IL31RA: variants seen among roughly 807,000 people sequenced by gnomAD.
IL31RA encodes the protein interleukin-31 receptor subunit alpha.
IL31RA carries 66 observed loss-of-function variants against 83.7 expected under a neutral mutation model. The ratio of observed to expected loss-of-function variants is 0.79; its 90% CI spans 0.65 to 0.97. The LOEUF (loss-of-function observed/expected upper bound fraction) is 0.97, where lower values mean the gene tolerates loss of function less well. Ranked by LOEUF, IL31RA falls within the 50% of genes least tolerant of loss-of-function variation. The probability of loss-of-function intolerance (pLI) is 0.00; values close to 1 mark genes in which losing one functional copy is unlikely to be tolerated. For synonymous variants in IL31RA, 325 were observed against 329.0 expected, an observed-to-expected ratio of 0.99 and a Z score of 0.13; for missense variants, 798 against 919.4, an observed-to-expected ratio of 0.87 and a Z score of 1.71.
At chr5:55,873,789 G>A (rs1300336215) in intron 4 of IL31RA, among the ~76,000 whole-genome samples, 1 of 151,852 alleles carries the variant, frequency 6.6e-6, no homozygotes, top group African/African-American at 2.4e-5. Context: ...ATATATTCTT[G>A]GCACAAGTTC....
At chr5:55,885,618 A>G (rs971216636) in intron 5 of IL31RA, among the ~76,000 whole-genome samples, 1 of 152,048 alleles carries the variant, frequency 6.6e-6, no homozygotes, top group African/African-American at 2.4e-5. Context: ...AGGTTTCCTC[A>G]TCTACACAAA....
chr5:55,915,618 A>G (rs1410613101), intron 14 of IL31RA, among the ~76,000 whole-genome samples: 2 of 152,190 alleles, frequency 1.3e-5, no homozygotes, highest in Non-Finnish European at 2.9e-5. Context: ...AATTTTAAAT[A>G]TTAGTCCTCG....
upstream of IL31RA, among the ~76,000 whole-genome samples, chr5:55,848,445 A>G (rs925792054): frequency 1.3e-5 from 2 of 152,120 alleles, no homozygotes; most frequent in South Asian, 2.1e-4. Context: ...TCCCTTTGAC[A>G]TGCTCTATCC....
chr5:55,884,294 T>A (rs938273887), intron 5 of IL31RA, among the ~76,000 whole-genome samples: 1 of 152,324 alleles, frequency 6.6e-6, no homozygotes, highest in Admixed American at 6.5e-5. Context: ...ATGGTTAGAG[T>A]TTTATCAGTC....
upstream of IL31RA, among the ~76,000 whole-genome samples, chr5:55,849,931 T>A (rs139284253): frequency 1.3e-5 from 2 of 152,352 alleles, no homozygotes; most frequent in African/African-American, 4.8e-5. Context: ...AAACTTGGCA[T>A]GTTGGAAAAT....
chr5:55,901,617 ATTATTAT>A (rs1271431580), intron 8 of IL31RA, among the ~76,000 whole-genome samples: 2 of 141,036 alleles, frequency 1.4e-5, no homozygotes, highest in Non-Finnish European at 3.0e-5. Flanking sequence ...TATTATTATT[ATTATTAT>A]TAATTTTTGA....
At chr5:55,899,147 G>T (rs1001293308) in intron 7 of IL31RA, among the ~76,000 whole-genome samples, 1 of 152,176 alleles carries the variant, frequency 6.6e-6, no homozygotes, top group Non-Finnish European at 1.5e-5. Flanking sequence ...GGAAATTCCT[G>T]AACTGGGAAG....
chr5:55,918,038 C>T lies in IL31RA; in HGVS notation c.*918C>T, dbSNP rs1749889961. 6.6e-6 allele frequency among the ~76,000 whole-genome samples: 1 copy of T among 152,224 alleles called. No individual in the cohort carries two copies. The highest frequency in any genetic ancestry group is 2.1e-4 in the South Asian group (1 of 4,834). ...TGCAATGCCTAGCAAATTTGCAGCC[C>T]CAACAGGAGGACTTCTGCTCCTTTT... On this transcript the variant is annotated 3_prime_UTR_variant, in exon 15 of 15. Transcript: ENST00000652347.
At chr5:55,851,317 G>A, upstream of IL31RA, 1 of 567,646 alleles carries the variant, frequency 1.8e-6, no homozygotes, top group Admixed American at 3.0e-5. Context: ...ACTCATGCCT[G>A]AATAGAGCTT....
At chr5:55,845,520 G>T in the IL31RA span, among the ~76,000 whole-genome samples, 1 of 151,998 alleles carries the variant, frequency 6.6e-6, no homozygotes, top group East Asian at 1.9e-4. Context: ...TCAAGGGCAG[G>T]ACCAGATGGA....
At chr5:55,868,983 A>T in intron 3 of IL31RA, 75 bp downstream of exon 3, 1 of 875,828 alleles carries the variant, frequency 1.1e-6, no homozygotes, top group Non-Finnish European at 1.9e-6. Context: ...CATGATTCAC[A>T]TCCCATATGA....
intron 9 of IL31RA, among the ~76,000 whole-genome samples, chr5:55,906,901 T>C (rs866302914): frequency 6.6e-6 from 1 of 152,114 alleles, no homozygotes; most frequent in Non-Finnish European, 1.5e-5. Flanking sequence ...GCTTTACCCT[T>C]TTAATCCTGT....
chr5:55,842,596 G>A, the IL31RA span, among the ~76,000 whole-genome samples: 3 of 152,146 alleles, frequency 2.0e-5, no homozygotes, highest in Admixed American at 1.3e-4. Flanking sequence ...CCCTTAGGGC[G>A]GAATTAATGA....
intron 1 of IL31RA, among the ~76,000 whole-genome samples, chr5:55,857,099 T>TG (rs1167719194): frequency 6.7e-6 from 1 of 148,544 alleles, no homozygotes; most frequent in East Asian, 2.0e-4. Context: ...CTTTTTGCAT[T>TG]TTTTTTTTTT....
rs75745991 is a variant in IL31RA, at chr5:55,868,304, A to G, written c.155-487A>G. Among the ~76,000 whole-genome samples the G allele has an allele frequency of 8.0e-3, 1,216 of 152,308 alleles. 9 individuals carry two copies. Among genetic ancestry groups the G allele is most frequent in the Non-Finnish European group, 0.014 (950 of 68,014 alleles). On this transcript the variant is annotated intron_variant, in intron 2 of 14. Coordinates refer to ENST00000652347, the MANE Select transcript of IL31RA (RefSeq NM_139017.7). ...GGGAGCTCTCAGGAGCAAGATTTCTAAGATATGAAGATACAGTTGAAGATA... is the reference window on the plus strand; with the variant it reads ...GGGAGCTCTCAGGAGCAAGATTTCTGAGATATGAAGATACAGTTGAAGATA...
chr5:55,872,903 G>A (rs1336570824), intron 4 of IL31RA, among the ~76,000 whole-genome samples: 1 of 151,912 alleles, frequency 6.6e-6, no homozygotes, highest in East Asian at 1.9e-4. Flanking sequence ...AATTATAACT[G>A]TATTGAGATA....
chr5:55,852,144 A>G (rs1378846200), intron 1 of IL31RA: 1 of 153,404 alleles, frequency 6.5e-6, no homozygotes, highest in African/African-American at 2.4e-5. Flanking sequence ...TCTCTATAGT[A>G]TATTATAATG....
At chr5:55,886,051 C>T (rs1747576251) in intron 5 of IL31RA, among the ~76,000 whole-genome samples, 1 of 152,066 alleles carries the variant, frequency 6.6e-6, no homozygotes, top group Admixed American at 6.5e-5. Context: ...CCGCATATAA[C>T]ACTAAGTGAG....
At position 55,921,209 on chromosome 5, in the gene IL31RA, T is replaced by C. The variant is rs1415485010; in HGVS notation, c.*4089T>C. ...AACTTTACAGCAGTAATCCCAAGAG[T>C]TTTAAATAGCAATTATTTGTCATGC... On this transcript the variant is annotated 3_prime_UTR_variant, in exon 15 of 15. Coordinates refer to ENST00000652347, the MANE Select transcript of IL31RA (RefSeq NM_139017.7). Among the ~76,000 whole-genome samples the C allele has an allele frequency of 6.6e-6, 1 of 152,080 alleles. No homozygotes were observed. Among genetic ancestry groups the C allele is most frequent in the Non-Finnish European group, 1.5e-5 (1 of 68,022 alleles).
Sources: gnomAD v4.1 joint callset for allele counts (sites outside exome capture counted in the v4.1 genomes callset) on GRCh38, gnomAD v4.1.1 for gene constraint, MANE v1.5 for transcripts, NCBI Gene and HGNC (gene_info 2026-07-23, HGNC 2026-07-21) for gene names.